Variants in SLC38A1 observed in about 807,000 individuals in gnomAD.
SLC38A1 encodes the protein solute carrier family 38 member 1, also known as sodium-coupled neutral amino acid symporter 1.
In SLC38A1, 18 loss-of-function variants were observed where a neutral mutation model predicts 60.3. The observed-to-expected ratio is 0.30, with a 90% CI of 0.21 to 0.44. SLC38A1 has a LOEUF of 0.44. SLC38A1 is among the 20% of genes least tolerant of loss of function. SLC38A1 has a pLI of 1.00. For missense variants in SLC38A1, 448 were observed against 587.2 expected, an observed-to-expected ratio of 0.76 and a Z score of 2.45; for synonymous variants, 196 against 212.1, an observed-to-expected ratio of 0.92 and a Z score of 0.66.
intron 2 of SLC38A1, among the ~76,000 whole-genome samples, chr12:46,241,000 CT>C (rs1214295312): frequency 5.9e-5 from 9 of 152,152 alleles, no homozygotes; most frequent in African/African-American, 2.2e-4. Context: ...CCATGCCACC[CT>C]GAATGTGCCC....
chr12:46,261,810 T>TAA (rs1942205218), intron 1 of SLC38A1, among the ~76,000 whole-genome samples: 1 of 152,212 alleles, frequency 6.6e-6, no homozygotes, highest in East Asian at 1.9e-4. Context: ...GGAGTTGTAT[T>TAA]AAAGAAGTGG....
intron 9 of SLC38A1, 58 bp from the exon 10 acceptor site, chr12:46,204,648 G>A (rs1939813864): frequency 1.5e-6 from 2 of 1,343,038 alleles, no homozygotes; most frequent in Admixed American, 2.0e-5. Flanking sequence ...AAAAATTTTG[G>A]AGCTACCCAT....
chr12:46,224,363 A>C (rs1346360877), intron 5 of SLC38A1, among the ~76,000 whole-genome samples: 1 of 152,206 alleles, frequency 6.6e-6, no homozygotes, highest in Non-Finnish European at 1.5e-5. Flanking sequence ...ACAACAGGAC[A>C]GGACTCACTG....
At chr12:46,261,613 C>T (rs1211757678) in intron 1 of SLC38A1, among the ~76,000 whole-genome samples, 1 of 152,164 alleles carries the variant, frequency 6.6e-6, no homozygotes, top group African/African-American at 2.4e-5. Context: ...ATAGCCCTAC[C>T]TCATAGTTTT....
In SLC38A1 at chr12:46,198,738, C is replaced by A; in HGVS notation, c.1009G>T (p.Val337Leu). The change falls in exon 14 of 17, where the codon GTG (valine) becomes TTG (leucine). Residue 337 changes from valine (V) to leucine (L), a missense_variant. Val to Leu is a conservative substitution (Grantham distance 32). This residue lies in a region of SLC38A1 where 346 missense variants were observed against 497.5 expected (regional missense o/e 0.70). Transcript: ENST00000398637. ...TATTTGTGAAGGAGGTCGGACTGCA[C>A]GTTGTCTAAAATGAGGGAAAAGCAA... The part of the protein sequence containing the change: ...IFGYLTFYDN[V>L]QSDLLHKYQS... 3.1e-6 allele frequency: 5 copies of A among 1,599,340 alleles called. No individual in the cohort carries two copies. The South Asian group carries it at 4.5e-5, about 14-fold the overall frequency.
intron 2 of SLC38A1, among the ~76,000 whole-genome samples, chr12:46,241,896 T>A (rs1941460695): frequency 6.6e-6 from 1 of 152,180 alleles, no homozygotes; most frequent in Non-Finnish European, 1.5e-5. Flanking sequence ...ATTTCCAATC[T>A]GGGTTAAGGA....
In SLC38A1 at chr12:46,239,903, A is replaced by G. The variant is rs776970484; in HGVS notation, c.-93-10T>C. ...TGGAAGCTTGACACCCCTAAAATAT[A>G]GCAAAATAAAAAAATAACTAAACAT... On this transcript the variant is annotated splice_polypyrimidine_tract_variant and intron_variant, in intron 2 of 16. Coordinates refer to ENST00000398637, the MANE Select transcript of SLC38A1 (RefSeq NM_030674.4). 9.6e-7 allele frequency: 1 copy of G among 1,046,926 alleles called. No homozygotes were observed. The highest frequency in any genetic ancestry group is 1.4e-6 in the Non-Finnish European group (1 of 720,860). 64.9% of individuals were successfully genotyped at this position (1,046,926 alleles called of 1,614,324 possible).
At chr12:46,254,408 G>A (rs996628958) in intron 1 of SLC38A1, among the ~76,000 whole-genome samples, 4 of 152,138 alleles carry the variant, frequency 2.6e-5, no homozygotes, top group Non-Finnish European at 2.9e-5. Flanking sequence ...ACACTGATTT[G>A]CTTTATTATA....
chr12:46,217,615 C>T (rs10161435), intron 5 of SLC38A1, among the ~76,000 whole-genome samples: 7,954 of 152,174 alleles, frequency 0.052, 521 homozygotes, highest in African/African-American at 0.15. Context: ...AATAGAATCC[C>T]TGTTTGATTA....
intron 1 of SLC38A1, among the ~76,000 whole-genome samples, chr12:46,255,650 A>T (rs1425722564): frequency 6.6e-6 from 1 of 152,206 alleles, no homozygotes; most frequent in Non-Finnish European, 1.5e-5. Flanking sequence ...AGTCTTAATT[A>T]TATGTTACAA....
At chr12:46,250,991 CTACTT>C (rs1317306178) in intron 1 of SLC38A1, among the ~76,000 whole-genome samples, 3 of 152,116 alleles carry the variant, frequency 2.0e-5, no homozygotes, top group East Asian at 1.9e-4. Context: ...GGAAAAAAAA[CTACTT>C]TAAAGTTCAT....
chr12:46,231,220 C>T (rs1166048137), intron 3 of SLC38A1, among the ~76,000 whole-genome samples: 1 of 152,076 alleles, frequency 6.6e-6, no homozygotes, highest in African/African-American at 2.4e-5. Context: ...AATGTTCTTA[C>T]TCATAAGTGG....
intron 5 of SLC38A1, among the ~76,000 whole-genome samples, chr12:46,217,823 C>T (rs748467560): frequency 1.8e-4 from 28 of 152,134 alleles, no homozygotes; most frequent in African/African-American, 6.8e-4. Flanking sequence ...TTTTAAAAGG[C>T]CAGGCAGGAA....
chr12:46,230,254 C>G (rs935510818), intron 3 of SLC38A1, among the ~76,000 whole-genome samples: 5 of 152,166 alleles, frequency 3.3e-5, no homozygotes, highest in Non-Finnish European at 5.9e-5. Context: ...GTCACTGGAA[C>G]AGGCACTGGG....
At chr12:46,244,974 A>C (rs997025194) in intron 1 of SLC38A1, among the ~76,000 whole-genome samples, 2 of 152,206 alleles carry the variant, frequency 1.3e-5, no homozygotes, top group African/African-American at 2.4e-5. Context: ...TCAATTATCA[A>C]TTCAGGCCTG....
At chr12:46,249,156 A>AG (rs1941739920) in intron 1 of SLC38A1, among the ~76,000 whole-genome samples, 1 of 117,484 alleles carries the variant, frequency 8.5e-6, no homozygotes, top group African/African-American at 3.9e-5. Flanking sequence ...ACTCCGCCTC[A>AG]AAAAAAAAAA....
chr12:46,235,596 GA>G (rs1941231997), intron 3 of SLC38A1, among the ~76,000 whole-genome samples: 1 of 152,142 alleles, frequency 6.6e-6, no homozygotes, highest in Non-Finnish European at 1.5e-5. Context: ...AGAATTTTCT[GA>G]CATGAAAATT....
intron 3 of SLC38A1, among the ~76,000 whole-genome samples, chr12:46,234,360 C>T (rs907024141): frequency 6.6e-6 from 1 of 152,106 alleles, no homozygotes; most frequent in South Asian, 2.1e-4. Context: ...GTACTTAAAG[C>T]GTCCCTATTC....
chr12:46,236,919 T>C (rs961016675), intron 3 of SLC38A1, among the ~76,000 whole-genome samples: 2 of 152,212 alleles, frequency 1.3e-5, no homozygotes, highest in African/African-American at 4.8e-5. Flanking sequence ...ACTGGTCTAA[T>C]GGATATTTTA....
Sources: gnomAD v4.1 joint callset for allele counts (sites outside exome capture counted in the v4.1 genomes callset) on GRCh38, gnomAD v4.1.1 for gene constraint, gnomAD v4.1.1 regional missense constraint, MANE v1.5 for transcripts, NCBI Gene and HGNC (gene_info 2026-07-23, HGNC 2026-07-21) for gene names.